KALRN: variants seen among roughly 807,000 people sequenced by gnomAD.
The protein encoded by KALRN is kalirin.
A neutral mutation model predicts 353.7 loss-of-function variants in KALRN; 70 were observed. That is an observed-to-expected ratio of 0.20 (90% CI 0.16 to 0.24). KALRN has a LOEUF of 0.24. KALRN is among the 10% of genes least tolerant of loss of function. The pLI, the probability that KALRN is intolerant of heterozygous loss-of-function variation, is 1.00. For synonymous variants in KALRN, 1,391 were observed against 1,434.8 expected (o/e 0.97, Z 0.69); for missense variants, 2,791 against 3,756.7 (o/e 0.74, Z 6.72).
intron 1 of KALRN, among the ~76,000 whole-genome samples, chr3:124,206,065 C>A (rs1341994669): frequency 6.6e-6 from 1 of 152,188 alleles, no homozygotes; most frequent in African/African-American, 2.4e-5. Flanking sequence ...CAGTTTGCCA[C>A]CCTGATATTA....
At chr3:124,713,422 T>C (rs957403329) in intron 58 of KALRN, among the ~76,000 whole-genome samples, 1 of 152,196 alleles carries the variant, frequency 6.6e-6, no homozygotes, top group Non-Finnish European at 1.5e-5. Context: ...GCTTATTTTC[T>C]TTCTATTATG....
intron 51 of KALRN, chr3:124,679,805 A>T (rs1369062854): frequency 4.3e-6 from 2 of 463,678 alleles, no homozygotes; most frequent in Admixed American, 3.3e-5. Flanking sequence ...AAAATATCCA[A>T]TTTCATTATT....
intron 1 of KALRN, among the ~76,000 whole-genome samples, chr3:124,144,994 C>T (rs2067147670): frequency 6.6e-6 from 1 of 152,060 alleles, no homozygotes; most frequent in African/African-American, 2.4e-5. Context: ...GAGTTTCCTG[C>T]TTGAAAAAGG....
intron 26 of KALRN, among the ~76,000 whole-genome samples, chr3:124,475,159 GA>G (rs1394763511): frequency 6.6e-6 from 1 of 152,202 alleles, no homozygotes; most frequent in African/African-American, 2.4e-5. Context: ...CATGCAGTGT[GA>G]AATAAGCACA....
intron 34 of KALRN, among the ~76,000 whole-genome samples, chr3:124,612,892 G>T (rs1298021401): frequency 1.0e-5 from 1 of 99,418 alleles, no homozygotes; most frequent in Non-Finnish European, 1.9e-5. Flanking sequence ...TATAAATCGA[G>T]CCTATGGGAT....
rs192539967 is a variant in KALRN at position 124,679,578 on chromosome 3, A to C, written c.7377+61A>C. 8.8e-6 allele frequency: 12 copies of C among 1,370,352 alleles called. No individual in the cohort carries two copies. In the East Asian group the frequency reaches 2.7e-4, roughly 31 times the overall value. The allele number at this position is 1,370,352 out of a possible 1,614,324, so 84.9% of individuals were successfully genotyped here. On this transcript the variant is annotated intron_variant, in intron 51 of 59. Transcript: ENST00000682506. ...GATTGCCTTTTTTGATGTGTTCTGT[A>C]ACAGTGACCTTGCTAAAATGACCAG...
intron 1 of KALRN, among the ~76,000 whole-genome samples, chr3:124,067,392 G>A (rs1353418280): frequency 7.3e-6 from 1 of 137,590 alleles, no homozygotes; most frequent in African/African-American, 2.6e-5. Flanking sequence ...ACACATAGTT[G>A]GTACCCAAAC....
chr3:124,368,038 A>G (rs866202986), intron 10 of KALRN, among the ~76,000 whole-genome samples: 110 of 15,220 alleles, frequency 7.2e-3, no homozygotes, highest in Admixed American at 0.015. Flanking sequence ...GGCCGGGCGG[A>G]GGGCTGACCC....
Position 124,430,636 on chromosome 3 carries a change from T to C in KALRN, c.2710-20T>C. On this transcript the variant is annotated intron_variant, in intron 15 of 59. Transcript: ENST00000682506. ...AACTGCGGAAGGCCATTCACCTGTGTGCTTGTCCCGATTCCCTAGGTTCTG... is the reference window on the plus strand; with the variant it reads ...AACTGCGGAAGGCCATTCACCTGTGCGCTTGTCCCGATTCCCTAGGTTCTG... 1 of 1,613,634 alleles carries C rather than the reference T, an allele frequency of 6.2e-7. No homozygotes were observed. The highest frequency in any genetic ancestry group is 8.5e-7 in the Non-Finnish European group (1 of 1,179,654).
At chr3:124,535,295 C>T (rs1022455680) in intron 33 of KALRN, among the ~76,000 whole-genome samples, 11 of 152,232 alleles carry the variant, frequency 7.2e-5, no homozygotes, top group African/African-American at 2.6e-4. Context: ...ACTCAGTCAT[C>T]ATCAGTCACT....
chr3:124,707,410 CTT>C (rs1414702432), intron 57 of KALRN, among the ~76,000 whole-genome samples: 8 of 107,534 alleles, frequency 7.4e-5, no homozygotes, highest in Non-Finnish European at 1.1e-4. Flanking sequence ...TCCTTCCTTC[CTT>C]CCTTCCTTCC....
intron 10 of KALRN, among the ~76,000 whole-genome samples, chr3:124,351,824 C>A (rs1466716939): frequency 6.6e-6 from 1 of 152,180 alleles, no homozygotes; most frequent in Non-Finnish European, 1.5e-5. Flanking sequence ...ACAAATTCTT[C>A]AAATGCCATT....
chr3:124,158,069 A>C (rs1420060862), intron 1 of KALRN, among the ~76,000 whole-genome samples: 4 of 152,202 alleles, frequency 2.6e-5, no homozygotes, highest in Non-Finnish European at 5.9e-5. Context: ...TGGTCTACGC[A>C]GAGAGGCTCA....
At chr3:124,364,153 C>T (rs1408790769) in intron 10 of KALRN, among the ~76,000 whole-genome samples, 3 of 152,228 alleles carry the variant, frequency 2.0e-5, no homozygotes, top group Non-Finnish European at 2.9e-5. Flanking sequence ...TCCACATTAA[C>T]ACCACTGCTT....
intron 1 of KALRN, among the ~76,000 whole-genome samples, chr3:124,046,729 G>A (rs1477684923): frequency 6.6e-6 from 1 of 152,100 alleles, no homozygotes; most frequent in African/African-American, 2.4e-5. Flanking sequence ...CAAACTTTAT[G>A]GAACATCAAT....
At chr3:124,175,165 C>G (rs2072488308) in intron 1 of KALRN, among the ~76,000 whole-genome samples, 1 of 152,220 alleles carries the variant, frequency 6.6e-6, no homozygotes, top group African/African-American at 2.4e-5. Flanking sequence ...TGCCACGTGC[C>G]CTGTGTTATG....
intron 1 of KALRN, among the ~76,000 whole-genome samples, chr3:124,205,213 C>A (rs1431443292): frequency 2.0e-5 from 3 of 152,156 alleles, no homozygotes; most frequent in African/African-American, 7.2e-5. Flanking sequence ...TGTGTAAATA[C>A]TCCTATCATA....
At chr3:124,707,535 T>C (rs943527664) in intron 57 of KALRN, among the ~76,000 whole-genome samples, 1 of 151,932 alleles carries the variant, frequency 6.6e-6, no homozygotes, top group African/African-American at 2.4e-5. Context: ...CCAGCTTTGA[T>C]ACAAGTGTGG....
intron 33 of KALRN, among the ~76,000 whole-genome samples, chr3:124,499,212 T>C (rs868109588): frequency 2.0e-5 from 3 of 152,134 alleles, no homozygotes; most frequent in African/African-American, 7.2e-5. Flanking sequence ...CTGTGGCGGC[T>C]CCAGGATCTC....
Sources: gnomAD v4.1 joint callset for allele counts (sites outside exome capture counted in the v4.1 genomes callset) on GRCh38, gnomAD v4.1.1 for gene constraint, MANE v1.5 for transcripts, NCBI Gene and HGNC (gene_info 2026-07-23, HGNC 2026-07-21) for gene names.